Variants in AKT3 observed in about 807,000 individuals in gnomAD.
The protein encoded by AKT3 is RAC-gamma serine/threonine-protein kinase.
In AKT3, 15 loss-of-function variants were observed where a neutral mutation model predicts 65.3. The observed-to-expected ratio is 0.23, with a 90% CI of 0.15 to 0.35. AKT3 has a LOEUF of 0.35. AKT3 is among the 10% of genes least tolerant of loss of function. AKT3 has a pLI of 1.00. For missense variants in AKT3, 243 were observed against 576.5 expected (o/e 0.42, Z 5.92); for synonymous variants, 206 against 183.8 (o/e 1.12, Z -0.98).
rs200761975 is a variant in AKT3 at position 243,552,766 on chromosome 1, A to G, written c.1126T>C (p.Leu376=). Residue 376 remains leucine (L), a synonymous_variant, in exon 11 of 14, where the codon TTG becomes CTG. Transcript: ENST00000673466. The stretch of plus-strand genomic sequence containing the variant: ...TCCTTTATCAAGAGCCCTGAAAGCA[A>G]TGATTTTGCATCTGAAGAGAGTGTT... ...PRTLSSDAKS[L]LSGLLIKDPN... 1.2e-6 allele frequency: 2 copies of G among 1,613,968 alleles called. No individual in the cohort carries two copies. Among genetic ancestry groups the G allele is most frequent in the African/African-American group, 2.7e-5 (2 of 75,038 alleles).
At chr1:243,804,760 C>A (rs188895139) in intron 2 of AKT3, among the ~76,000 whole-genome samples, 1 of 151,490 alleles carries the variant, frequency 6.6e-6, no homozygotes, top group Non-Finnish European at 1.5e-5. Context: ...GGCAGGAGAA[C>A]GGCGTGAACC....
chr1:243,529,852 G>C (rs1047490846), intron 12 of AKT3, among the ~76,000 whole-genome samples: 2 of 151,240 alleles, frequency 1.3e-5, no homozygotes, highest in Non-Finnish European at 2.9e-5. Context: ...TTGGTAGTTT[G>C]AATAAGAATA....
intron 3 of AKT3, among the ~76,000 whole-genome samples, chr1:243,684,918 CT>C (rs1684178700): frequency 6.6e-6 from 1 of 152,144 alleles, no homozygotes; most frequent in Admixed American, 6.5e-5. Context: ...TGATGATGAG[CT>C]TTTTTTCATA....
intron 8 of AKT3, among the ~76,000 whole-genome samples, chr1:243,607,161 G>A (rs1156618179): frequency 6.6e-6 from 1 of 152,216 alleles, no homozygotes; most frequent in Non-Finnish European, 1.5e-5. Context: ...AGTCCCCACT[G>A]GGGCACTGCC....
intron 2 of AKT3, among the ~76,000 whole-genome samples, chr1:243,785,316 G>A (rs865795913): frequency 2.5e-4 from 38 of 151,222 alleles, no homozygotes; most frequent in Admixed American, 7.9e-4. Context: ...CTGACCTTGC[G>A]ATCTGCCCGC....
chr1:243,789,213 A>G (rs1395246543), intron 2 of AKT3, among the ~76,000 whole-genome samples: 2 of 152,190 alleles, frequency 1.3e-5, no homozygotes, highest in Non-Finnish European at 2.9e-5. Flanking sequence ...CCCTGTCTGT[A>G]CAAAAGATAA....
chr1:243,565,137 T>C (rs1051083993), intron 9 of AKT3, among the ~76,000 whole-genome samples: 11 of 152,226 alleles, frequency 7.2e-5, no homozygotes, highest in Admixed American at 1.3e-4. Flanking sequence ...TTGATATACA[T>C]TTCATGTATA....
intron 2 of AKT3, among the ~76,000 whole-genome samples, chr1:243,769,542 T>TA (rs1690044269): frequency 6.6e-6 from 1 of 152,222 alleles, no homozygotes; most frequent in African/African-American, 2.4e-5. Flanking sequence ...CTCTGATGGC[T>TA]AATGACGTTG....
chr1:243,617,215 G>C (rs1237549276), intron 6 of AKT3, among the ~76,000 whole-genome samples: 1 of 126,528 alleles, frequency 7.9e-6, no homozygotes, highest in African/African-American at 3.0e-5. Flanking sequence ...CTGCACATCA[G>C]AGACAGGACA....
chr1:243,637,776 G>A (rs1386409279), intron 5 of AKT3, 34 bp from the exon 6 acceptor site: 1 of 1,404,116 alleles, frequency 7.1e-7, no homozygotes, highest in African/African-American at 1.5e-5. Flanking sequence ...ATAATATGAA[G>A]TATTTGATGC....
chr1:243,804,952 TATTTTGTTTGTATTA>T (rs750826985), intron 2 of AKT3, among the ~76,000 whole-genome samples: 8 of 152,202 alleles, frequency 5.3e-5, no homozygotes, highest in Non-Finnish European at 7.3e-5. Flanking sequence ...CATTGCCTGA[TATTTTGTTTGTATTA>T]ACATTTTTCT....
At chr1:243,524,612 T>C (rs945331667) in intron 12 of AKT3, among the ~76,000 whole-genome samples, 1 of 152,248 alleles carries the variant, frequency 6.6e-6, no homozygotes, top group African/African-American at 2.4e-5. Context: ...ACAAGCTCTT[T>C]AGAAGGTTGC....
At chr1:243,598,959 T>A (rs926432555) in intron 8 of AKT3, among the ~76,000 whole-genome samples, 4 of 152,188 alleles carry the variant, frequency 2.6e-5, no homozygotes, top group African/African-American at 9.6e-5. Context: ...TCTTGAAGAT[T>A]TAGTTCAAAT....
At chr1:243,636,257 GTAATT>G (rs1679963952) in intron 6 of AKT3, among the ~76,000 whole-genome samples, 1 of 151,922 alleles carries the variant, frequency 6.6e-6, no homozygotes, top group African/African-American at 2.4e-5. Flanking sequence ...CATTTGATTT[GTAATT>G]TAATTTGTTA....
At chr1:243,603,722 C>A (rs1572013368) in intron 8 of AKT3, among the ~76,000 whole-genome samples, 1 of 152,122 alleles carries the variant, frequency 6.6e-6, no homozygotes, top group Non-Finnish European at 1.5e-5. Context: ...AGAACTCATT[C>A]TTCTCCCTGT....
chr1:243,545,926 C>T (rs963584001), intron 11 of AKT3, among the ~76,000 whole-genome samples: 1 of 152,090 alleles, frequency 6.6e-6, no homozygotes, highest in Non-Finnish European at 1.5e-5. Flanking sequence ...GGAATGATAA[C>T]GTTTGCTGGT....
At chr1:243,815,185 G>A (rs1335383579) in intron 2 of AKT3, among the ~76,000 whole-genome samples, 1 of 152,078 alleles carries the variant, frequency 6.6e-6, no homozygotes, top group East Asian at 1.9e-4. Context: ...TTCTTTAATA[G>A]TATTTCATTT....
At position 243,673,941 on chromosome 1, in the gene AKT3, A is replaced by C. The variant is rs1028615167; in HGVS notation, c.173-9058T>G. 2.0e-5 allele frequency among the ~76,000 whole-genome samples: 3 copies of C among 152,296 alleles called. No homozygotes were observed. In the South Asian group the frequency reaches 6.2e-4, roughly 32 times the overall value. On this transcript the variant is annotated intron_variant, in intron 3 of 13. Coordinates refer to ENST00000673466, the MANE Select transcript of AKT3 (RefSeq NM_005465.7). ...TTTTAAGAAAAGCTATTTATATTTG[A>C]AACATGATGAAACTGGGATTTGATA...
intron 2 of AKT3, among the ~76,000 whole-genome samples, chr1:243,836,558 A>C (rs920460790): frequency 3.9e-5 from 6 of 152,118 alleles, no homozygotes; most frequent in African/African-American, 4.8e-5. Flanking sequence ...CTATACCCCC[A>C]AAAAATAAAA....
Sources: allele counts gnomAD v4.1 joint callset (sites outside exome capture counted in the v4.1 genomes callset), GRCh38; gene constraint gnomAD v4.1.1; transcripts MANE v1.5; gene names NCBI Gene and HGNC (gene_info 2026-07-23, HGNC 2026-07-21).